LEPR: variants seen among roughly 807,000 people sequenced by gnomAD.
LEPR encodes leptin receptor.
A neutral mutation model predicts 114.7 loss-of-function variants in LEPR; 56 were observed. The observed-to-expected ratio is 0.49, with a 90% CI of 0.39 to 0.61. The LOEUF (loss-of-function observed/expected upper bound fraction) is 0.61. Ranked by LOEUF, LEPR falls within the 20% of genes least tolerant of loss-of-function variation. The pLI, the probability that LEPR is intolerant of heterozygous loss-of-function variation, is 0.00. For synonymous variants in LEPR, 443 were observed against 461.4 expected (o/e 0.96, Z 0.51); for missense variants, 1,202 against 1,352.9 (o/e 0.89, Z 1.75).
chr1:65,618,306 T>TATCTTC lies in LEPR; in HGVS notation c.2395+160_2395+161insATCTTC, dbSNP rs1570831995. Reference sequence around the variant, plus strand: ...TATAACCTTTATCAAAACATTTAATTCTCTTCCTCTTCTCTTCTCTTCTCT... The same window carrying TATCTTC: ...TATAACCTTTATCAAAACATTTAATTATCTTCCTCTTCCTCTTCTCTTCTCTTCTCT... On this transcript the variant is annotated intron_variant, in intron 16 of 19. Transcript: ENST00000349533. 2.1e-5 allele frequency among the ~76,000 whole-genome samples: 3 copies of TATCTTC among 143,998 alleles called. No individual in the cohort carries two copies. In the East Asian group the frequency reaches 7.0e-4, roughly 34 times the overall value. 94.5% of individuals were successfully genotyped at this position (143,998 alleles called of 152,430 possible).
At chr1:65,518,901 CTTTCTTTCTTTCTTTCTCTCTTTCTCTG>C (rs1649452588) in intron 2 of LEPR, among the ~76,000 whole-genome samples, 1 of 93,914 alleles carries the variant, frequency 1.1e-5, no homozygotes, top group African/African-American at 3.7e-5. Context: ...TTCTTTCTTT[CTTTCTTTCTTTCTTTCTCTCTTTCTCTG>C]TTTCTTTCTT....
intron 2 of LEPR, among the ~76,000 whole-genome samples, chr1:65,455,548 G>C (rs1364493700): frequency 6.6e-6 from 1 of 152,206 alleles, no homozygotes; most frequent in African/African-American, 2.4e-5. Context: ...GCCATGTGAG[G>C]TGTCAGTCTG....
intron 2 of LEPR, among the ~76,000 whole-genome samples, chr1:65,463,027 T>G (rs892049730): frequency 6.6e-6 from 1 of 152,230 alleles, no homozygotes; most frequent in Non-Finnish European, 1.5e-5. Flanking sequence ...ATTTTGGCTT[T>G]TGTTGCTATT....
At chr1:65,602,045 C>A (rs1164601930) in intron 10 of LEPR, 85 bp downstream of exon 10, 2 of 1,149,866 alleles carry the variant, frequency 1.7e-6, no homozygotes, top group East Asian at 2.3e-5. Context: ...AGTAGTCTTA[C>A]AGATTATTTG....
At chr1:65,444,769 A>AT (rs1402387000) in intron 2 of LEPR, among the ~76,000 whole-genome samples, 1 of 152,152 alleles carries the variant, frequency 6.6e-6, no homozygotes, top group Non-Finnish European at 1.5e-5. Flanking sequence ...TGTTATTACA[A>AT]TTTTTACTTT....
At chr1:65,422,808 C>T (rs1044855176) in intron 1 of LEPR, among the ~76,000 whole-genome samples, 2 of 152,206 alleles carry the variant, frequency 1.3e-5, no homozygotes, top group African/African-American at 4.8e-5. Flanking sequence ...AGGAGTGAGT[C>T]AGGCGATGGT....
intron 2 of LEPR, chr1:65,430,012 C>A: frequency 6.4e-7 from 1 of 1,567,308 alleles, no homozygotes; most frequent in Non-Finnish European, 8.7e-7. Context: ...TTGTTTCTGC[C>A]TTTGGATTTC....
At chr1:65,512,270 A>G (rs1364501146) in intron 2 of LEPR, among the ~76,000 whole-genome samples, 2 of 152,078 alleles carry the variant, frequency 1.3e-5, no homozygotes, top group African/African-American at 2.4e-5. Context: ...CCATGATCCA[A>G]TCACCTCCCT....
In LEPR at chr1:65,488,220, CTCTCTCTCTT is replaced by C. The variant is rs1207752523; in HGVS notation, c.-21+62846_-21+62855del. Among the ~76,000 whole-genome samples the C allele has an allele frequency of 1.5e-3, 66 of 44,584 alleles. 5 individuals are homozygous for C. The East Asian group carries it at 0.017, about 11-fold the overall frequency. The allele number at this position is 44,584 out of a possible 152,430, so 29.2% of individuals were successfully genotyped here. A position where few individuals can be genotyped will look rare whatever the true frequency, so the allele number is the denominator to read the frequency against. On this transcript the variant is annotated intron_variant, in intron 2 of 19. Coordinates refer to ENST00000349533, the MANE Select transcript of LEPR (RefSeq NM_002303.6). ...TCTTTCTTTCTTTCTTTCTCTCTCT[CTCTCTCTCTT>C]TCTTTCTTTCTTTCTTTCTTTCTTT...
intron 2 of LEPR, among the ~76,000 whole-genome samples, chr1:65,500,768 T>C (rs770661992): frequency 1.3e-5 from 2 of 152,132 alleles, no homozygotes; most frequent in Non-Finnish European, 2.9e-5. Context: ...TCAAAAGTTA[T>C]ATGCAAGTTT....
chr1:65,520,309 C>A (rs1014601443), intron 2 of LEPR, among the ~76,000 whole-genome samples: 2 of 152,238 alleles, frequency 1.3e-5, no homozygotes, highest in Admixed American at 6.5e-5. Flanking sequence ...ACCGGTTTGC[C>A]CAGAGAATAC....
At chr1:65,469,149 C>T (rs1647052561) in intron 2 of LEPR, among the ~76,000 whole-genome samples, 1 of 152,098 alleles carries the variant, frequency 6.6e-6, no homozygotes, top group Non-Finnish European at 1.5e-5. Flanking sequence ...CACCAGGTTG[C>T]AATTATTTCT....
intron 5 of LEPR, among the ~76,000 whole-genome samples, chr1:65,587,453 C>G (rs182174102): frequency 6.6e-6 from 1 of 152,064 alleles, no homozygotes; most frequent in Non-Finnish European, 1.5e-5. Context: ...GGGTGGATAG[C>G]ATTTTACAGT....
intron 2 of LEPR, among the ~76,000 whole-genome samples, chr1:65,462,341 G>A (rs1646956288): frequency 6.6e-6 from 1 of 152,130 alleles, no homozygotes; most frequent in Admixed American, 6.5e-5. Flanking sequence ...TCCTTTTTAT[G>A]GCTGCATAGT....
At chr1:65,557,167 AAAATTAATCAATAATTT>A (rs1652870013) in intron 2 of LEPR, among the ~76,000 whole-genome samples, 2 of 152,294 alleles carry the variant, frequency 1.3e-5, no homozygotes, top group Admixed American at 6.5e-5. Context: ...GTTATTTTAT[AAAATTAATCAATAATTT>A]TCTTAGTGTT....
In LEPR at chr1:65,636,282, T is replaced by C. The variant is rs755523848; in HGVS notation, c.2765T>C (p.Ile922Thr). 7.4e-6 allele frequency: 12 copies of C among 1,613,998 alleles called. No homozygotes were observed. The highest frequency in any genetic ancestry group is 1.0e-5 in the Non-Finnish European group (12 of 1,179,932). Reference sequence around the variant, plus strand: ...GAGCCTGAAACAATTTCAGAAGATATCAGTGTTGATACATCATGGAAAAAT... The same window carrying C: ...GAGCCTGAAACAATTTCAGAAGATACCAGTGTTGATACATCATGGAAAAAT... ...LLEPETISED[I>T]SVDTSWKNKD... Residue 922 changes from isoleucine (I) to threonine (T), a missense_variant, in exon 20 of 20, where the codon ATC (isoleucine) becomes ACC (threonine). By Grantham distance (89) the Ile-to-Thr change is moderately conservative. Transcript: ENST00000349533.
rs763090817 is a variant in LEPR at position 65,622,292 on chromosome 1, C to A, written c.2598-614C>A. On this transcript the variant is annotated intron_variant, in intron 18 of 19. Coordinates refer to ENST00000349533, the MANE Select transcript of LEPR (RefSeq NM_002303.6). ...GTGGTGAAGTGGGTGGTAAAAGTAGCCTTTTAGTGGTGACCTGGAGCAGTC... is the reference window on the plus strand; with the variant it reads ...GTGGTGAAGTGGGTGGTAAAAGTAGACTTTTAGTGGTGACCTGGAGCAGTC... Among the ~76,000 whole-genome samples the A allele has an allele frequency of 2.0e-5, 3 of 152,136 alleles. No individual in the cohort carries two copies. In the South Asian group the frequency reaches 6.2e-4, roughly 32 times the overall value.
chr1:65,505,068 A>G (rs1301674710), intron 2 of LEPR, among the ~76,000 whole-genome samples: 2 of 152,198 alleles, frequency 1.3e-5, no homozygotes, highest in African/African-American at 4.8e-5. Context: ...GAGCTGTGGT[A>G]GCTGTTATAT....
intron 19 of LEPR, among the ~76,000 whole-genome samples, chr1:65,631,725 T>C (rs1231473277): frequency 6.6e-6 from 1 of 152,204 alleles, no homozygotes; most frequent in Non-Finnish European, 1.5e-5. Flanking sequence ...AAATGTGTTA[T>C]GATAACTCAT....
Sources: allele counts gnomAD v4.1 joint callset (sites outside exome capture counted in the v4.1 genomes callset), GRCh38; gene constraint gnomAD v4.1.1; transcripts MANE v1.5; gene names NCBI Gene and HGNC (gene_info 2026-07-23, HGNC 2026-07-21).